ATP6V0A1: variants seen among roughly 807,000 people sequenced by gnomAD.
ATP6V0A1 encodes V-type proton ATPase 116 kDa subunit a 1.
Under a neutral mutation model 105.4 loss-of-function variants are expected in ATP6V0A1, and 43 were observed. That is an observed-to-expected ratio of 0.41 (90% CI 0.32 to 0.53). ATP6V0A1 has a LOEUF of 0.53. Ranked by LOEUF, ATP6V0A1 falls within the 20% of genes least tolerant of loss-of-function variation. The pLI is 0.30. For synonymous variants in ATP6V0A1, 362 were observed against 372.8 expected (o/e 0.97, Z 0.33); for missense variants, 676 against 1,051.1 (o/e 0.64, Z 4.93).
rs1379481155 is a variant in ATP6V0A1, at chr17:42,480,557, GT to G, written c.634-109del. 4 of 940,592 alleles carry G rather than the reference GT, an allele frequency of 4.3e-6. No individual in the cohort carries two copies. In the African/African-American group the frequency reaches 6.8e-5, roughly 16 times the overall value. 58.3% of individuals were successfully genotyped at this position (940,592 alleles called of 1,614,324 possible). On this transcript the variant is annotated intron_variant, in intron 7 of 21. Transcript: ENST00000343619. ...AGTGGTTAAAATGCAGGACTGCCAT[GT>G]CCTTAAAAGATGCCTGTTGTTCTTG... is the stretch of plus-strand genomic sequence containing the variant.
chr17:42,486,286 C>A (rs1435328436), intron 9 of ATP6V0A1, among the ~76,000 whole-genome samples: 1 of 152,006 alleles, frequency 6.6e-6, no homozygotes, highest in Admixed American at 6.6e-5. Context: ...TGGCGCGCGC[C>A]TGTAATCCCA....
At chr17:42,507,300 A>C (rs905688763) in intron 17 of ATP6V0A1, 2 of 472,554 alleles carry the variant, frequency 4.2e-6, no homozygotes, top group African/African-American at 2.0e-5. Flanking sequence ...CCTCTGAAGC[A>C]GGGTAAGGTG....
chr17:42,514,438 C>T lies in ATP6V0A1; in HGVS notation c.2398C>T (p.Leu800Phe). 1 of 1,607,666 alleles carries T rather than the reference C, an allele frequency of 6.2e-7. No individual in the cohort carries two copies. Among genetic ancestry groups the T allele is most frequent in the South Asian group, 1.1e-5 (1 of 89,846 alleles). Residue 800 changes from leucine to phenylalanine, a missense_variant, in exon 21 of 22, where the codon CTC becomes TTC. Transcript: ENST00000343619. ...GATCATGGAGGGCCTCTCGGCCTTT[C>T]TCCACGCACTGCGCTTACACTGGTG... ...LLIMEGLSAF[L>F]HALRLHWVEF...
chr17:42,490,854 A>G (rs1396221515), intron 11 of ATP6V0A1, among the ~76,000 whole-genome samples: 1 of 151,992 alleles, frequency 6.6e-6, no homozygotes, highest in African/African-American at 2.4e-5. Context: ...ACACCTGGCT[A>G]ATTTTTTATT....
intron 12 of ATP6V0A1, chr17:42,494,784 C>T (rs764032944): frequency 4.2e-6 from 2 of 479,956 alleles, no homozygotes; most frequent in Non-Finnish European, 7.2e-6. Context: ...AAAGTTATTG[C>T]GGTTTTGGCT....
intron 1 of ATP6V0A1, among the ~76,000 whole-genome samples, chr17:42,459,875 C>G (rs573578256): frequency 1.3e-5 from 2 of 152,208 alleles, no homozygotes; most frequent in Non-Finnish European, 2.9e-5. Context: ...TGATGTCAGA[C>G]TCATCTATCA....
intron 9 of ATP6V0A1, 120 bp from the exon 10 acceptor site, chr17:42,487,035 G>T: frequency 1.1e-6 from 1 of 936,706 alleles, no homozygotes. Flanking sequence ...CTAGCCAGAG[G>T]AAGAAAAAGA....
intron 8 of ATP6V0A1, among the ~76,000 whole-genome samples, chr17:42,481,768 T>C (rs535118658): frequency 1.6e-4 from 24 of 152,332 alleles, no homozygotes; most frequent in African/African-American, 5.5e-4. Flanking sequence ...ATAAATGCCA[T>C]ATTATTCTGG....
At chr17:42,498,782 C>T (rs754002678) in intron 14 of ATP6V0A1, 142 bp from the exon 15 acceptor site, 15 of 528,704 alleles carry the variant, frequency 2.8e-5, no homozygotes, top group African/African-American at 5.8e-5. Context: ...GCTGAGATCA[C>T]GCCACTGCAC....
rs2089387520 is a variant in ATP6V0A1 at position 42,480,725 on chromosome 17, A to G, written c.692A>G (p.Asn231Ser). 1.9e-6 allele frequency: 3 copies of G among 1,613,898 alleles called. No individual in the cohort carries two copies. The highest frequency in any genetic ancestry group is 2.5e-6 in the Non-Finnish European group (3 of 1,179,904). ...TTCTTCCAAGGCGATCAGCTGAAAA[A>G]CAGAGTCAAGAAAATCTGTGAAGGG... ...IIFFQGDQLK[N>S]RVKKICEGFR... The change falls in exon 8 of 22, where the codon AAC (asparagine) becomes AGC (serine). Residue 231 changes from asparagine (N) to serine (S), a missense_variant. Asn to Ser is a conservative substitution (Grantham distance 46). Transcript: ENST00000343619.
At position 42,487,169 on chromosome 17, in the gene ATP6V0A1, G is replaced by A. The variant is rs771917821; in HGVS notation, c.825G>A (p.Thr275=). The change falls in exon 10 of 22, where the codon ACG becomes ACA. Residue 275 remains threonine, a synonymous_variant. Transcript: ENST00000343619. ...IDDLQMVLNQ[T]EDHRQRVLQA... is the part of the protein sequence containing the mutation. ...TCTCCCCAAAGGTTCTGAATCAAAC[G>A]GAGGATCACCGCCAGAGGGTTCTGC... 3.3e-5 allele frequency: 54 copies of A among 1,613,968 alleles called. No homozygotes were observed. Among genetic ancestry groups the A allele is most frequent in the East Asian group, 2.4e-4 (11 of 44,900 alleles).
At chr17:42,511,530 A>G (rs1343936200) in intron 19 of ATP6V0A1, 1 of 151,796 alleles carries the variant, frequency 6.6e-6, no homozygotes, top group African/African-American at 2.4e-5. Flanking sequence ...AGAAAAAAAA[A>G]AGGAAGAACC....
In ATP6V0A1 at chr17:42,522,127, C is replaced by G. The variant is rs186141131; in HGVS notation, c.*1007C>G. ...GAAGGTCAGTGTCACTGATGGTTTG[C>G]TGTTTGGAAGCCATTGGCAGGGCTG... is the stretch of plus-strand genomic sequence containing the variant. On this transcript the variant is annotated 3_prime_UTR_variant, in exon 22 of 22. Coordinates refer to ENST00000343619, the MANE Select transcript of ATP6V0A1 (RefSeq NM_001130021.3). The G allele has an allele frequency of 1.3e-5, 2 of 152,906 alleles. No individual in the cohort carries two copies. Among genetic ancestry groups the G allele is most frequent in the Non-Finnish European group, 2.9e-5 (2 of 68,392 alleles). 9.5% of individuals were successfully genotyped at this position (152,906 alleles called of 1,614,324 possible).
Position 42,479,831 on chromosome 17 carries a change from T to A in ATP6V0A1, c.634-836T>A, listed in dbSNP as rs116258222. Among the ~76,000 whole-genome samples, 541 of 152,300 alleles carry A rather than the reference T, an allele frequency of 3.6e-3. 7 individuals are homozygous for A. The highest frequency in any genetic ancestry group is 0.012 in the African/African-American group (507 of 41,570). On this transcript the variant is annotated intron_variant, in intron 7 of 21. Transcript: ENST00000343619. ...AGGAACTTTTCTCAGGAATATTCAG[T>A]CAAGTTTCCTCTTGGCAACAGAAAG... is the stretch of plus-strand genomic sequence containing the variant.
At chr17:42,520,509 C>A in intron 21 of ATP6V0A1, 1 of 456,722 alleles carries the variant, frequency 2.2e-6, no homozygotes, top group South Asian at 1.5e-5. Context: ...GAGAAGACTT[C>A]CCCTCCTAAC....
intron 20 of ATP6V0A1, 33 bp downstream of exon 20, chr17:42,514,011 G>C (rs763163997): frequency 1.3e-5 from 20 of 1,593,626 alleles, no homozygotes; most frequent in Non-Finnish European, 1.5e-5. Flanking sequence ...CGGAACTCTA[G>C]TTTCCCCCTC....
chr17:42,464,619 G>A (rs1445017953), intron 2 of ATP6V0A1, among the ~76,000 whole-genome samples: 1 of 152,054 alleles, frequency 6.6e-6, no homozygotes, highest in Non-Finnish European at 1.5e-5. Context: ...TGGCCGGGCT[G>A]GTCTCGAACT....
At chr17:42,492,355 A>G (rs2090728164) in intron 11 of ATP6V0A1, among the ~76,000 whole-genome samples, 2 of 149,386 alleles carry the variant, frequency 1.3e-5, no homozygotes, top group African/African-American at 4.9e-5. Flanking sequence ...GGCAACAACA[A>G]AAAGATGCCC....
At chr17:42,494,768 G>A in intron 12 of ATP6V0A1, 1 of 474,102 alleles carries the variant, frequency 2.1e-6, no homozygotes, top group Non-Finnish European at 3.6e-6. Flanking sequence ...ATTTAGGTTT[G>A]GTGCAAAAGT....
Sources: allele counts gnomAD v4.1 joint callset (sites outside exome capture counted in the v4.1 genomes callset), GRCh38; gene constraint gnomAD v4.1.1; transcripts MANE v1.5; gene names NCBI Gene and HGNC (gene_info 2026-07-23, HGNC 2026-07-21).